NBAS: variants seen among roughly 807,000 people sequenced by gnomAD.
The protein encoded by NBAS is NBAS subunit of NRZ tethering complex, also known as NAG/BC035112 fusion.
NBAS carries 219 observed loss-of-function variants against 302.5 expected under a neutral mutation model. That is an observed-to-expected ratio of 0.72 (90% CI 0.65 to 0.81). The LOEUF (loss-of-function observed/expected upper bound fraction) is 0.81, where lower values mean the gene tolerates loss of function less well. Ranked by LOEUF, NBAS falls within the 30% of genes least tolerant of loss-of-function variation. The pLI is 0.00. For synonymous variants in NBAS, 1,118 were observed against 1,021.6 expected, an observed-to-expected ratio of 1.09 and a Z score of -1.80; for missense variants, 2,932 against 2,841.6, an observed-to-expected ratio of 1.03 and a Z score of -0.72.
chr2:15,066,951 C>G, the NBAS span, among the ~76,000 whole-genome samples: 1 of 152,044 alleles, frequency 6.6e-6, no homozygotes, highest in Non-Finnish European at 1.5e-5. Context: ...AAGGAATCAA[C>G]CTAAGTGTCC....
chr2:15,073,000 G>A, the NBAS span, among the ~76,000 whole-genome samples: 62 of 152,060 alleles, frequency 4.1e-4, no homozygotes, highest in African/African-American at 1.3e-3. Flanking sequence ...TTGGTGGCTC[G>A]CACCTGTAGT....
the NBAS span, among the ~76,000 whole-genome samples, chr2:14,921,490 A>G: frequency 5.8e-4 from 88 of 152,302 alleles, no homozygotes; most frequent in African/African-American, 1.9e-3. Context: ...AAGTTTATGG[A>G]GTCCTAGAAA....
chr2:15,365,059 T>C (rs1238126274), intron 32 of NBAS, among the ~76,000 whole-genome samples: 4 of 152,224 alleles, frequency 2.6e-5, no homozygotes, highest in Admixed American at 6.5e-5. Context: ...CCATGCACTA[T>C]GATCACATCC....
the NBAS span, among the ~76,000 whole-genome samples, chr2:15,103,019 GGAAGGAAGGAAA>G: frequency 1.1e-5 from 1 of 88,586 alleles, no homozygotes; most frequent in Admixed American, 1.2e-4. Context: ...AAGGAAGGAA[GGAAGGAAGGAAA>G]GAGGGTCGGA....
chr2:14,938,367 G>T, the NBAS span, among the ~76,000 whole-genome samples: 2 of 152,074 alleles, frequency 1.3e-5, no homozygotes, highest in African/African-American at 4.8e-5. Context: ...CTTCATAATT[G>T]TCTCAAGCAG....
At chr2:15,442,494 T>A (rs1439749668) in intron 21 of NBAS, among the ~76,000 whole-genome samples, 1 of 151,876 alleles carries the variant, frequency 6.6e-6, no homozygotes, top group Non-Finnish European at 1.5e-5. Context: ...CTGGGACACA[T>A]TCAAAGCAGT....
intron 42 of NBAS, among the ~76,000 whole-genome samples, chr2:15,278,993 G>A (rs942465617): frequency 2.6e-5 from 4 of 152,100 alleles, no homozygotes; most frequent in Admixed American, 6.6e-5. Context: ...ACTATTCAAC[G>A]AATACCATCA....
the NBAS span, among the ~76,000 whole-genome samples, chr2:14,920,200 C>T: frequency 6.6e-6 from 1 of 152,152 alleles, no homozygotes; most frequent in African/African-American, 2.4e-5. Context: ...TCTATCAGAG[C>T]TCTTGGGTGT....
the NBAS span, among the ~76,000 whole-genome samples, chr2:14,982,194 C>T: frequency 6.6e-6 from 1 of 152,140 alleles, no homozygotes; most frequent in Non-Finnish European, 1.5e-5. Context: ...AAGCTGAGCT[C>T]CCAGCCAACA....
At chr2:15,550,610 G>A (rs1205598477) in intron 6 of NBAS, among the ~76,000 whole-genome samples, 11 of 140,482 alleles carry the variant, frequency 7.8e-5, no homozygotes, top group Admixed American at 1.5e-4. Context: ...TTTTTGAGAC[G>A]GAGTCTCACT....
the NBAS span, among the ~76,000 whole-genome samples, chr2:14,909,932 T>C: frequency 6.6e-6 from 1 of 152,214 alleles, no homozygotes; most frequent in Non-Finnish European, 1.5e-5. Context: ...ATTGATGCTC[T>C]TGGGCTCTGT....
downstream of NBAS, among the ~76,000 whole-genome samples, chr2:15,164,076 T>C (rs6747655): frequency 0.31 from 47,771 of 152,140 alleles, 7,676 homozygotes; most frequent in Middle Eastern, 0.38. Context: ...GGATTACAGG[T>C]GTGAGCCTCT....
chr2:15,275,422 G>T, intron 44 of NBAS, 62 bp downstream of exon 44: 1 of 1,479,434 alleles, frequency 6.8e-7, no homozygotes, highest in Non-Finnish European at 9.3e-7. Context: ...TCTACAGAAT[G>T]TAGGAGAAAT....
the NBAS span, among the ~76,000 whole-genome samples, chr2:15,127,864 C>A: frequency 6.6e-6 from 1 of 151,918 alleles, no homozygotes; most frequent in Admixed American, 6.6e-5. Flanking sequence ...CACCTGAGCC[C>A]CTGACCCCCA....
the NBAS span, among the ~76,000 whole-genome samples, chr2:14,867,534 T>C: frequency 6.6e-6 from 1 of 152,182 alleles, no homozygotes; most frequent in African/African-American, 2.4e-5. Flanking sequence ...CCCTTGCTCC[T>C]CCATCTTACA....
At chr2:15,103,577 G>A in the NBAS span, among the ~76,000 whole-genome samples, 2 of 152,200 alleles carry the variant, frequency 1.3e-5, no homozygotes, top group Admixed American at 6.5e-5. Context: ...AAGATGGACC[G>A]TGTCTTATGT....
the NBAS span, among the ~76,000 whole-genome samples, chr2:14,963,634 T>C: frequency 1.3e-5 from 2 of 152,198 alleles, no homozygotes; most frequent in Non-Finnish European, 2.9e-5. Flanking sequence ...ATTAAAACCT[T>C]AGGTGCTAAA....
chr2:14,949,652 T>A, the NBAS span, among the ~76,000 whole-genome samples: 1 of 152,186 alleles, frequency 6.6e-6, no homozygotes, highest in Non-Finnish European at 1.5e-5. Flanking sequence ...GTGATATATA[T>A]GCATACATAT....
intron 21 of NBAS, among the ~76,000 whole-genome samples, chr2:15,449,371 T>C (rs909276533): frequency 6.6e-6 from 1 of 152,190 alleles, no homozygotes; most frequent in African/African-American, 2.4e-5. Context: ...TAAAGCTGGT[T>C]TGTAAACTTA....
Sources: allele counts gnomAD v4.1 joint callset (sites outside exome capture counted in the v4.1 genomes callset), GRCh38; gene constraint gnomAD v4.1.1; transcripts MANE v1.5; gene names NCBI Gene and HGNC (gene_info 2026-07-23, HGNC 2026-07-21).